The following TRPC4AP variants were observed in gnomAD, a reference collection of about 807,000 sequenced individuals.
The protein encoded by TRPC4AP is short transient receptor potential channel 4-associated protein.
In TRPC4AP, 45 loss-of-function variants were observed where a neutral mutation model predicts 99.0. The ratio of observed to expected loss-of-function variants is 0.45; its 90% CI spans 0.36 to 0.58. The LOEUF (loss-of-function observed/expected upper bound fraction) is 0.58, where lower values mean the gene tolerates loss of function less well. TRPC4AP is among the 20% of genes least tolerant of loss of function. The pLI, the probability that TRPC4AP is intolerant of heterozygous loss-of-function variation, is 0.00. For missense variants in TRPC4AP, 879 were observed against 985.3 expected (o/e 0.89, Z 1.44); for synonymous variants, 408 against 385.8 (o/e 1.06, Z -0.67).
rs780481547 is a variant in TRPC4AP at position 35,003,128 on chromosome 20, C to G, written c.*18G>C. The G allele has an allele frequency of 2.0e-5, 33 of 1,613,596 alleles. No homozygotes were observed. In the East Asian group the frequency reaches 7.1e-4, roughly 35 times the overall value. On this transcript the variant is annotated 3_prime_UTR_variant, in exon 19 of 19. Transcript: ENST00000252015. ...TCACCCACACTGGCCCAGCAGCCTCCCGAGGCCTGGCCCAAGGTCACTCCT... is the reference window on the plus strand; with the variant it reads ...TCACCCACACTGGCCCAGCAGCCTCGCGAGGCCTGGCCCAAGGTCACTCCT...
chr20:35,044,716 C>T lies in TRPC4AP; in HGVS notation c.658-4G>A. 2 of 1,613,446 alleles carry T rather than the reference C, an allele frequency of 1.2e-6. No homozygotes were observed. The highest frequency in any genetic ancestry group is 1.7e-6 in the Non-Finnish European group (2 of 1,179,494). On this transcript the variant is annotated splice_region_variant and splice_polypyrimidine_tract_variant and intron_variant, in intron 6 of 18. Transcript: ENST00000252015. Reference sequence around the variant, plus strand: ...CTTCATCTAGTCGGATCATTTCCTACAGAAGACAAAAATGAAACAATCCCC... The same window carrying T: ...CTTCATCTAGTCGGATCATTTCCTATAGAAGACAAAAATGAAACAATCCCC...
intron 3 of TRPC4AP, among the ~76,000 whole-genome samples, chr20:35,060,588 A>G (rs1292300190): frequency 5.0e-4 from 24 of 47,746 alleles, no homozygotes; most frequent in African/African-American, 1.1e-3. Context: ...TTGTCTCCAA[A>G]AAAAAAAAAA....
At chr20:35,066,725 T>C (rs1475091202) in intron 3 of TRPC4AP, among the ~76,000 whole-genome samples, 1 of 152,178 alleles carries the variant, frequency 6.6e-6, no homozygotes, top group African/African-American at 2.4e-5. Context: ...GCCATTATAG[T>C]AAAACACTGA....
intron 1 of TRPC4AP, among the ~76,000 whole-genome samples, chr20:35,084,561 CAT>C (rs780757682): frequency 7.8e-5 from 9 of 115,218 alleles, no homozygotes; most frequent in Non-Finnish European, 1.5e-4. Context: ...TGTTTATATG[CAT>C]ATATGTGTAT....
chr20:35,033,611 G>A (rs2083251065), intron 8 of TRPC4AP, among the ~76,000 whole-genome samples: 1 of 152,082 alleles, frequency 6.6e-6, no homozygotes, highest in African/African-American at 2.4e-5. Context: ...GCTTTGTTCT[G>A]ACCTTGGGAG....
At position 35,015,680 on chromosome 20, in the gene TRPC4AP, G is replaced by A. The variant is rs2147283802; in HGVS notation, c.1350+328C>T. ...AAGTGTCTCTCACACTAGTGAGACA[G>A]GGTTTCACCATGTTGGCCAGGCTGG... On this transcript the variant is annotated intron_variant, in intron 10 of 18. Transcript: ENST00000252015. Among the ~76,000 whole-genome samples the A allele has an allele frequency of 1.3e-5, 2 of 151,954 alleles. 1 individual carries two copies. Among genetic ancestry groups the A allele is most frequent in the South Asian group, 4.2e-4 (2 of 4,816 alleles).
At position 35,021,281 on chromosome 20, in the gene TRPC4AP, G is replaced by T. The variant is rs2082882581; in HGVS notation, c.1127C>A (p.Pro376His). 1.2e-6 allele frequency: 2 copies of T among 1,614,024 alleles called. No individual in the cohort carries two copies. Among genetic ancestry groups the T allele is most frequent in the South Asian group, 2.2e-5 (2 of 91,084 alleles). ...LPHTSARTQL[P>H]QSMKIMHEIM... ...CTCATGCATAATCTTCATTGACTGG[G>T]GCAGCTGGGTTCTGGCTGACGTGTG... Residue 376 changes from proline to histidine, a missense_variant, in exon 9 of 19, where the codon CCC becomes CAC. Coordinates refer to ENST00000252015, the MANE Select transcript of TRPC4AP (RefSeq NM_015638.3).
chr20:35,003,046 CAG>C lies in TRPC4AP; in HGVS notation c.*98_*99del, dbSNP rs1217133190. On this transcript the variant is annotated 3_prime_UTR_variant, in exon 19 of 19. Coordinates refer to ENST00000252015, the MANE Select transcript of TRPC4AP (RefSeq NM_015638.3). ...CCTGTACCCAAAGACCTGGGGCAGGCAGAGAGCAGCAGGGAGGAACGGGAACA... is the reference window on the plus strand; with the variant it reads ...CCTGTACCCAAAGACCTGGGGCAGGCAGAGCAGCAGGGAGGAACGGGAACA... The C allele has an allele frequency of 4.0e-6, 6 of 1,514,550 alleles. No homozygotes were observed. The African/African-American group carries it at 8.2e-5, about 21-fold the overall frequency. 93.8% of individuals were successfully genotyped at this position (1,514,550 alleles called of 1,614,324 possible). A position where few individuals can be genotyped will look rare whatever the true frequency, so the allele number is the denominator to read the frequency against.
At chr20:35,044,946 C>T (rs1292159224) in intron 6 of TRPC4AP, among the ~76,000 whole-genome samples, 1 of 151,966 alleles carries the variant, frequency 6.6e-6, no homozygotes, top group Non-Finnish European at 1.5e-5. Context: ...AGTCTGAGGA[C>T]TAAATTTACC....
intron 11 of TRPC4AP, among the ~76,000 whole-genome samples, chr20:35,011,864 T>A (rs1179976776): frequency 6.6e-6 from 1 of 152,264 alleles, no homozygotes; most frequent in Non-Finnish European, 1.5e-5. Context: ...TGGCCAGTCC[T>A]GGACCCTGTC....
At chr20:35,041,636 G>C (rs1406703542) in intron 7 of TRPC4AP, among the ~76,000 whole-genome samples, 2 of 152,174 alleles carry the variant, frequency 1.3e-5, no homozygotes, top group Non-Finnish European at 2.9e-5. Context: ...CATTCCTCAA[G>C]AATAATGGGT....
rs1330744214 is a variant in TRPC4AP at position 35,003,405 on chromosome 20, C to T, written c.2256+5G>A. 1 of 1,613,858 alleles carries T rather than the reference C, an allele frequency of 6.2e-7. No individual in the cohort carries two copies. Among genetic ancestry groups the T allele is most frequent in the Non-Finnish European group, 8.5e-7 (1 of 1,179,998 alleles). On this transcript the variant is annotated splice_donor_5th_base_variant and intron_variant, in intron 18 of 18. Transcript: ENST00000252015. ...CCATCACCCCCTTGAGGGTGGGGCA[C>T]TCACGTTCTCTAGGCAGGTGCTGTC...
chr20:35,086,431 A>ATATGTGTG (rs2084851067), intron 1 of TRPC4AP, among the ~76,000 whole-genome samples: 2 of 109,528 alleles, frequency 1.8e-5, no homozygotes, highest in South Asian at 6.5e-4. Flanking sequence ...TGAATGGCAT[A>ATATGTGTG]TGTGTGTGTG....
At chr20:35,084,177 C>T (rs919765439) in intron 1 of TRPC4AP, among the ~76,000 whole-genome samples, 1 of 151,418 alleles carries the variant, frequency 6.6e-6, no homozygotes, top group Non-Finnish European at 1.5e-5. Context: ...TGGCGGGCAC[C>T]TGTAATCCCA....
intron 6 of TRPC4AP, among the ~76,000 whole-genome samples, chr20:35,046,596 G>C (rs2083566640): frequency 6.6e-6 from 1 of 152,186 alleles, no homozygotes; most frequent in Non-Finnish European, 1.5e-5. Context: ...CCCAAAACGA[G>C]TGCATGATTC....
intron 1 of TRPC4AP, among the ~76,000 whole-genome samples, chr20:35,086,507 ATGTG>A (rs35771366): frequency 3.2e-5 from 2 of 62,972 alleles, no homozygotes; most frequent in Admixed American, 2.3e-4. Context: ...GTGTATATAT[ATGTG>A]TGTGTGTGTA....
chr20:35,017,449 A>G (rs2082780567), intron 9 of TRPC4AP, among the ~76,000 whole-genome samples: 1 of 152,240 alleles, frequency 6.6e-6, no homozygotes, highest in South Asian at 2.1e-4. Flanking sequence ...AACTGCAGGA[A>G]TGATTTCCCT....
intron 2 of TRPC4AP, among the ~76,000 whole-genome samples, chr20:35,071,204 T>G (rs539530329): frequency 4.1e-4 from 62 of 152,342 alleles, no homozygotes; most frequent in African/African-American, 1.4e-3. Flanking sequence ...TAATCAAAAC[T>G]TCACCTCTGA....
intron 14 of TRPC4AP, among the ~76,000 whole-genome samples, chr20:35,007,053 T>C (rs934131427): frequency 6.6e-6 from 1 of 152,356 alleles, no homozygotes; most frequent in South Asian, 2.1e-4. Context: ...TGAGTTTTCA[T>C]CAAGAGAATA....
Sources: allele counts gnomAD v4.1 joint callset (sites outside exome capture counted in the v4.1 genomes callset), GRCh38; gene constraint gnomAD v4.1.1; transcripts MANE v1.5; gene names NCBI Gene and HGNC (gene_info 2026-07-23, HGNC 2026-07-21).